HS3ST5: variants seen among roughly 807,000 people sequenced by gnomAD.
The protein encoded by HS3ST5 is heparan sulfate glucosamine 3-O-sulfotransferase 5.
Under a neutral mutation model 25.4 loss-of-function variants are expected in HS3ST5, and 10 were observed. The observed-to-expected ratio is 0.39, with a 90% CI of 0.24 to 0.67. The LOEUF is 0.67. Among genes scored for constraint, HS3ST5 ranks in the 30% least tolerant of loss-of-function variants. The pLI, the probability that HS3ST5 is intolerant of heterozygous loss-of-function variation, is 0.44. For synonymous variants in HS3ST5, 170 were observed against 162.4 expected (o/e 1.05, Z -0.36); for missense variants, 324 against 420.7 (o/e 0.77, Z 2.01).
At chr6:114,223,032 TAGAA>T (rs1356259912) in intron 2 of HS3ST5, among the ~76,000 whole-genome samples, 1 of 151,640 alleles carries the variant, frequency 6.6e-6, no homozygotes, top group African/African-American at 2.4e-5. Context: ...TCATTTAAAT[TAGAA>T]AGAATGTGCA....
At chr6:114,152,768 C>A (rs913787644) in intron 3 of HS3ST5, among the ~76,000 whole-genome samples, 1 of 152,166 alleles carries the variant, frequency 6.6e-6, no homozygotes, top group South Asian at 2.1e-4. Flanking sequence ...TGGCCTGCCC[C>A]TTGAGCAGTC....
At chr6:114,184,513 G>A (rs1562229625) in intron 2 of HS3ST5, among the ~76,000 whole-genome samples, 2 of 151,704 alleles carry the variant, frequency 1.3e-5, no homozygotes, top group Admixed American at 6.6e-5. Flanking sequence ...ATGAAGGAAG[G>A]CATCAGACTT....
chr6:114,141,408 T>C (rs908463409), intron 3 of HS3ST5, among the ~76,000 whole-genome samples: 2 of 152,254 alleles, frequency 1.3e-5, no homozygotes, highest in Non-Finnish European at 2.9e-5. Context: ...GTAATATTTA[T>C]AGCTTCTGAA....
intron 3 of HS3ST5, among the ~76,000 whole-genome samples, chr6:114,167,212 C>T (rs1390704490): frequency 6.6e-6 from 1 of 152,162 alleles, no homozygotes; most frequent in African/African-American, 2.4e-5. Context: ...GTGTGTGAGA[C>T]AATATTCAGA....
chr6:114,179,729 C>T (rs148875870), intron 2 of HS3ST5, among the ~76,000 whole-genome samples: 69 of 141,744 alleles, frequency 4.9e-4, no homozygotes, highest in African/African-American at 1.7e-3. Context: ...TTGACTCACA[C>T]AAACACAAGT....
chr6:114,223,483 G>A (rs1224293641), intron 2 of HS3ST5, among the ~76,000 whole-genome samples: 2 of 151,856 alleles, frequency 1.3e-5, no homozygotes, highest in South Asian at 2.1e-4. Flanking sequence ...AACCTGCTGC[G>A]AGAAGGATAG....
At chr6:114,090,534 A>G (rs1775068319) in intron 3 of HS3ST5, among the ~76,000 whole-genome samples, 1 of 152,176 alleles carries the variant, frequency 6.6e-6, no homozygotes, top group South Asian at 2.1e-4. Context: ...ATGTTATGGA[A>G]AACTTGTTGG....
In HS3ST5 at chr6:114,147,452, A is replaced by T. The variant is rs78727523; in HGVS notation, c.-33+20899T>A. On this transcript the variant is annotated intron_variant, in intron 3 of 4. Transcript: ENST00000312719. ...CTGGCATGGCAGTGACCTCACTTCAACCATGAAGATGAAGTTGATTGAAAC... is the reference window on the plus strand; with the variant it reads ...CTGGCATGGCAGTGACCTCACTTCATCCATGAAGATGAAGTTGATTGAAAC... 1.1e-4 allele frequency among the ~76,000 whole-genome samples: 17 copies of T among 152,314 alleles called. No individual in the cohort carries two copies. The East Asian group carries it at 2.5e-3, about 22-fold the overall frequency.
At chr6:114,246,754 G>A (rs1349095560) in intron 1 of HS3ST5, among the ~76,000 whole-genome samples, 1 of 152,186 alleles carries the variant, frequency 6.6e-6, no homozygotes, top group African/African-American at 2.4e-5. Context: ...GTAAGGGTGA[G>A]CACTGTTTAC....
intron 2 of HS3ST5, among the ~76,000 whole-genome samples, chr6:114,169,985 CAG>C (rs1270811320): frequency 4.6e-5 from 7 of 152,148 alleles, no homozygotes; most frequent in African/African-American, 1.7e-4. Context: ...AGGAAAGCAA[CAG>C]ATAAGGGAAA....
intron 1 of HS3ST5, among the ~76,000 whole-genome samples, chr6:114,275,487 A>G (rs1333873163): frequency 6.6e-6 from 1 of 152,044 alleles, no homozygotes; most frequent in Non-Finnish European, 1.5e-5. Context: ...ACTCACATGG[A>G]GGATTTTGTC....
intron 3 of HS3ST5, among the ~76,000 whole-genome samples, chr6:114,114,808 T>C (rs1776438168): frequency 6.6e-6 from 1 of 152,130 alleles, no homozygotes; most frequent in South Asian, 2.1e-4. Context: ...AAAAATCGTA[T>C]TGATCAGTTG....
intron 2 of HS3ST5, among the ~76,000 whole-genome samples, chr6:114,185,257 G>A (rs578261366): frequency 3.9e-5 from 6 of 152,254 alleles, no homozygotes; most frequent in East Asian, 1.9e-4. Flanking sequence ...GATAAAATGC[G>A]TTGAGCTTTG....
chr6:114,178,873 T>TA (rs34618608), intron 2 of HS3ST5, among the ~76,000 whole-genome samples: 35 of 146,712 alleles, frequency 2.4e-4, no homozygotes, highest in South Asian at 6.5e-4. Context: ...TTGAGGGGGT[T>TA]AAAAAAAAAA....
intron 2 of HS3ST5, among the ~76,000 whole-genome samples, chr6:114,227,481 T>TA (rs1049395409): frequency 1.1e-4 from 16 of 151,702 alleles, no homozygotes; most frequent in African/African-American, 3.1e-4. Context: ...TTCACTGAAA[T>TA]AAAAAAAACC....
chr6:114,171,492 T>A (rs1362688539), intron 2 of HS3ST5, among the ~76,000 whole-genome samples: 1 of 152,130 alleles, frequency 6.6e-6, no homozygotes. Context: ...ATCCTTAGTG[T>A]GCTTGGTGGG....
chr6:114,188,278 A>G (rs1026770219), intron 2 of HS3ST5, among the ~76,000 whole-genome samples: 4 of 152,168 alleles, frequency 2.6e-5, no homozygotes, highest in African/African-American at 9.7e-5. Context: ...CTCCCTCTAC[A>G]CTAAGCCACA....
intron 2 of HS3ST5, among the ~76,000 whole-genome samples, chr6:114,174,471 C>T (rs545876092): frequency 2.6e-5 from 4 of 152,194 alleles, no homozygotes; most frequent in Non-Finnish European, 5.9e-5. Context: ...CTCAAAAAAA[C>T]TCCTTTAAAA....
At chr6:114,315,960 G>T (rs1775730716) in intron 1 of HS3ST5, among the ~76,000 whole-genome samples, 1 of 152,070 alleles carries the variant, frequency 6.6e-6, no homozygotes. Flanking sequence ...GCGCCTCACT[G>T]GTTTCAGCTC....
Sources: gnomAD v4.1 joint callset for allele counts (sites outside exome capture counted in the v4.1 genomes callset) on GRCh38, gnomAD v4.1.1 for gene constraint, MANE v1.5 for transcripts, NCBI Gene and HGNC (gene_info 2026-07-23, HGNC 2026-07-21) for gene names.